The following MYMX variants were observed in gnomAD, a reference collection of about 807,000 sequenced individuals.
The protein encoded by MYMX is protein myomixer.
At chr6:44,201,713 A>C in the MYMX span, among the ~76,000 whole-genome samples, 1 of 152,334 alleles carries the variant, frequency 6.6e-6, no homozygotes, top group African/African-American at 2.4e-5. Context: ...AAGGAAACTA[A>C]TATTTATGAG....
chr6:44,200,790 C>T, the MYMX span, among the ~76,000 whole-genome samples: 4 of 152,176 alleles, frequency 2.6e-5, no homozygotes, highest in Non-Finnish European at 5.9e-5. Context: ...ACTGACTGTT[C>T]CCTCTGAGGC....
upstream of MYMX, among the ~76,000 whole-genome samples, chr6:44,214,522 G>A (rs1042223685): frequency 9.9e-5 from 15 of 152,184 alleles, no homozygotes; most frequent in African/African-American, 3.1e-4. Flanking sequence ...CAGTTTCTTC[G>A]TTTGTACAAT....
At chr6:44,211,986 G>A (rs1775612320), upstream of MYMX, among the ~76,000 whole-genome samples, 2 of 151,932 alleles carry the variant, frequency 1.3e-5, no homozygotes, top group South Asian at 4.1e-4. Flanking sequence ...ATGTTGGCTG[G>A]GCTAGATTTG....
chr6:44,209,945 T>A, the MYMX span: 2 of 147,716 alleles, frequency 1.4e-5, no homozygotes, highest in African/African-American at 2.5e-5. Context: ...ATATATATTT[T>A]ATTATTTATT....
chr6:44,193,904 A>G, the MYMX span, among the ~76,000 whole-genome samples: 1 of 152,184 alleles, frequency 6.6e-6, no homozygotes, highest in Non-Finnish European at 1.5e-5. Flanking sequence ...GAATCACTTG[A>G]ACCCAGGAGG....
the MYMX span, among the ~76,000 whole-genome samples, chr6:44,202,610 T>C: frequency 1.3e-5 from 2 of 152,028 alleles, no homozygotes; most frequent in African/African-American, 4.8e-5. Flanking sequence ...AGATGGTTAT[T>C]TTTCCAGGAA....
At chr6:44,198,638 C>A in the MYMX span, among the ~76,000 whole-genome samples, 8 of 152,232 alleles carry the variant, frequency 5.3e-5, no homozygotes, top group East Asian at 1.5e-3. Context: ...TCCCCAGTAG[C>A]TGGGATTACA....
At chr6:44,197,160 C>T in the MYMX span, among the ~76,000 whole-genome samples, 1 of 152,128 alleles carries the variant, frequency 6.6e-6, no homozygotes, top group Non-Finnish European at 1.5e-5. Context: ...AACTTGAACC[C>T]AGGAAGCAGA....
the MYMX span, among the ~76,000 whole-genome samples, chr6:44,206,639 G>C: frequency 2.6e-5 from 4 of 152,130 alleles, no homozygotes; most frequent in Non-Finnish European, 4.4e-5. Context: ...TCTAGTACTT[G>C]TTTCTGATCC....
the MYMX span, among the ~76,000 whole-genome samples, chr6:44,197,588 C>T: frequency 6.6e-6 from 1 of 152,172 alleles, no homozygotes. Flanking sequence ...TATGACTTGC[C>T]ACTTCTCAGG....
the MYMX span, among the ~76,000 whole-genome samples, chr6:44,200,302 G>GT: frequency 6.6e-5 from 10 of 151,200 alleles, no homozygotes; most frequent in Non-Finnish European, 1.0e-4. Flanking sequence ...GTCTTGCCTA[G>GT]TTTTTTTTAT....
chr6:44,208,531 C>T, the MYMX span, among the ~76,000 whole-genome samples: 11 of 152,164 alleles, frequency 7.2e-5, no homozygotes, highest in African/African-American at 2.7e-4. Flanking sequence ...ACCCCCTAAA[C>T]TGCCCTCCTC....
At chr6:44,210,911 G>A in the MYMX span, among the ~76,000 whole-genome samples, 3 of 152,098 alleles carry the variant, frequency 2.0e-5, no homozygotes, top group Non-Finnish European at 4.4e-5. Context: ...GGAAGATCAC[G>A]TGAGGCCAGG....
At chr6:44,199,543 CT>C in the MYMX span, among the ~76,000 whole-genome samples, 2 of 152,142 alleles carry the variant, frequency 1.3e-5, no homozygotes, top group South Asian at 2.1e-4. Flanking sequence ...TATTCTTGGT[CT>C]TTTTTTCCCA....
At chr6:44,201,372 C>G in the MYMX span, among the ~76,000 whole-genome samples, 1 of 152,242 alleles carries the variant, frequency 6.6e-6, no homozygotes, top group African/African-American at 2.4e-5. Flanking sequence ...TCCCCACCTG[C>G]TCCTTGGTAA....
At chr6:44,199,974 C>T in the MYMX span, among the ~76,000 whole-genome samples, 1 of 152,142 alleles carries the variant, frequency 6.6e-6, no homozygotes, top group African/African-American at 2.4e-5. Flanking sequence ...CATGAGCCAC[C>T]GTGCCCGGTC....
At chr6:44,214,918 T>C (rs1012836013), upstream of MYMX, among the ~76,000 whole-genome samples, 1 of 152,154 alleles carries the variant, frequency 6.6e-6, no homozygotes, top group Non-Finnish European at 1.5e-5. Context: ...GCTTGGCATA[T>C]GTGTGTACCC....
chr6:44,215,931 CA>C (rs1775839650), upstream of MYMX, among the ~76,000 whole-genome samples: 1 of 152,108 alleles, frequency 6.6e-6, no homozygotes, highest in African/African-American at 2.4e-5. Flanking sequence ...AAATTAAAAA[CA>C]ACATAAAACC....
upstream of MYMX, among the ~76,000 whole-genome samples, chr6:44,215,403 G>A (rs985629370): frequency 3.3e-5 from 5 of 151,230 alleles, no homozygotes; most frequent in Non-Finnish European, 5.9e-5. Flanking sequence ...TGAGACCCCT[G>A]TCTCTACAAA....
Sources: allele counts gnomAD v4.1 joint callset (sites outside exome capture counted in the v4.1 genomes callset), GRCh38; gene constraint gnomAD v4.1.1; transcripts MANE v1.5; gene names NCBI Gene and HGNC (gene_info 2026-07-23, HGNC 2026-07-21).